Variants in COL24A1 observed in about 807,000 individuals in gnomAD.
The protein encoded by COL24A1 is collagen type XXIV alpha 1 chain.
In COL24A1, 224 loss-of-function variants were observed where a neutral mutation model predicts 253.9. The observed-to-expected ratio is 0.88, with a 90% CI of 0.79 to 0.99. The LOEUF (loss-of-function observed/expected upper bound fraction) is 0.99. COL24A1 is among the 50% of genes least tolerant of loss of function. The pLI is 0.00. For synonymous variants in COL24A1, 685 were observed against 673.7 expected, an observed-to-expected ratio of 1.02 and a Z score of -0.26; for missense variants, 2,131 against 2,068.5, an observed-to-expected ratio of 1.03 and a Z score of -0.59.
chr1:85,898,175 A>G (rs1409042561), intron 28 of COL24A1, among the ~76,000 whole-genome samples: 1 of 152,254 alleles, frequency 6.6e-6, no homozygotes, highest in Admixed American at 6.5e-5. Context: ...CAGAAAACTG[A>G]TGCTAAAGAT....
intron 5 of COL24A1, among the ~76,000 whole-genome samples, chr1:86,102,534 C>G (rs1359823792): frequency 6.6e-6 from 1 of 152,052 alleles, no homozygotes; most frequent in African/African-American, 2.4e-5. Context: ...ATACATTTCC[C>G]CTTAATACTG....
chr1:85,878,807 T>C (rs1240606863), intron 32 of COL24A1, among the ~76,000 whole-genome samples: 1 of 152,222 alleles, frequency 6.6e-6, no homozygotes, highest in African/African-American at 2.4e-5. Context: ...GTCATTATTG[T>C]TTTAATTTGT....
intron 24 of COL24A1, among the ~76,000 whole-genome samples, chr1:85,937,079 C>T (rs1313287535): frequency 2.0e-5 from 3 of 147,570 alleles, no homozygotes; most frequent in Non-Finnish European, 4.5e-5. Flanking sequence ...TCTTCTTTAG[C>T]TGACACCTTT....
At chr1:86,124,543 A>C (rs528166321) in intron 3 of COL24A1, among the ~76,000 whole-genome samples, 1 of 151,938 alleles carries the variant, frequency 6.6e-6, no homozygotes, top group African/African-American at 2.4e-5. Context: ...TAGCAGTTGA[A>C]ATCCTGATTG....
At chr1:86,132,008 T>C in intron 2 of COL24A1, among the ~76,000 whole-genome samples, 1 of 152,026 alleles carries the variant, frequency 6.6e-6, no homozygotes, top group East Asian at 1.9e-4. Context: ...TTTCTCTACA[T>C]CCTCCTCTCC....
chr1:85,768,642 G>A (rs955570719), intron 53 of COL24A1, among the ~76,000 whole-genome samples: 53 of 151,934 alleles, frequency 3.5e-4, no homozygotes, highest in African/African-American at 1.3e-3. Context: ...ATTCAGATCT[G>A]GAAAGAACTT....
chr1:86,140,938 G>A (rs1650982843), intron 2 of COL24A1, among the ~76,000 whole-genome samples: 1 of 152,116 alleles, frequency 6.6e-6, no homozygotes, highest in South Asian at 2.1e-4. Context: ...TACTTAAAAT[G>A]TTTTTTCTTA....
chr1:85,911,257 G>T (rs545315199), intron 25 of COL24A1, 123 bp downstream of exon 25: 2 of 724,822 alleles, frequency 2.8e-6, no homozygotes, highest in Non-Finnish European at 4.7e-6. Flanking sequence ...AAGATATTCA[G>T]TATAGGTAAT....
intron 16 of COL24A1, 42 bp from the exon 17 acceptor site, chr1:86,022,633 A>G (rs759638413): frequency 1.3e-6 from 2 of 1,567,938 alleles, no homozygotes; most frequent in Non-Finnish European, 1.7e-6. Flanking sequence ...ATGTATCACA[A>G]ACATGGCAAT....
At chr1:85,746,641 G>C (rs450953) in intron 55 of COL24A1, among the ~76,000 whole-genome samples, 135,505 of 152,146 alleles carry the variant, frequency 0.89, 61,108 homozygotes, top group Non-Finnish European at 0.97. Flanking sequence ...AATAGGTCAG[G>C]GAAGGCTTCC....
At chr1:85,831,066 G>A (rs894582636) in intron 43 of COL24A1, among the ~76,000 whole-genome samples, 1 of 152,122 alleles carries the variant, frequency 6.6e-6, no homozygotes, top group African/African-American at 2.4e-5. Flanking sequence ...GTTTAAGGAA[G>A]TGAAGAGTGG....
chr1:86,076,361 C>A (rs1702243459), intron 7 of COL24A1, among the ~76,000 whole-genome samples: 1 of 152,144 alleles, frequency 6.6e-6, no homozygotes, highest in Admixed American at 6.5e-5. Context: ...TCAAGGAGAA[C>A]TACAAACCAC....
intron 19 of COL24A1, among the ~76,000 whole-genome samples, chr1:86,000,738 C>T (rs1695316485): frequency 6.6e-6 from 1 of 152,232 alleles, no homozygotes. Context: ...TGTTTGGCCA[C>T]TTCTGGCACT....
At chr1:86,110,854 C>G (rs1049319500) in intron 5 of COL24A1, among the ~76,000 whole-genome samples, 4 of 152,142 alleles carry the variant, frequency 2.6e-5, no homozygotes, top group Admixed American at 6.5e-5. Flanking sequence ...CCGCGCGGCC[C>G]AAGCCTCCCC....
chr1:85,901,708 A>G (rs1284358366), intron 28 of COL24A1, among the ~76,000 whole-genome samples: 1 of 149,996 alleles, frequency 6.7e-6, no homozygotes, highest in African/African-American at 2.4e-5. Context: ...GCTACTCAGG[A>G]GTCTGAGACA....
chr1:86,114,513 G>A (rs1021848595), intron 4 of COL24A1, among the ~76,000 whole-genome samples: 21 of 152,202 alleles, frequency 1.4e-4, no homozygotes, highest in Non-Finnish European at 2.4e-4. Context: ...AGGTTTAGAA[G>A]GGGCTATGGA....
At chr1:86,024,949 A>G (rs1317795910) in intron 14 of COL24A1, among the ~76,000 whole-genome samples, 1 of 152,042 alleles carries the variant, frequency 6.6e-6, no homozygotes, top group Non-Finnish European at 1.5e-5. Flanking sequence ...TGTATATATA[A>G]TATCCTATTT....
At chr1:86,014,404 A>C (rs1267795710) in intron 19 of COL24A1, among the ~76,000 whole-genome samples, 1 of 152,154 alleles carries the variant, frequency 6.6e-6, no homozygotes, top group African/African-American at 2.4e-5. Context: ...CTTTGTTTTA[A>C]TTCATCTGTT....
At chr1:85,734,224 A>G (rs1316083311) in intron 59 of COL24A1, among the ~76,000 whole-genome samples, 1 of 152,104 alleles carries the variant, frequency 6.6e-6, no homozygotes, top group Non-Finnish European at 1.5e-5. Flanking sequence ...TTTTAATGGA[A>G]AAAAAATAGG....
Sources: allele counts gnomAD v4.1 joint callset (sites outside exome capture counted in the v4.1 genomes callset), GRCh38; gene constraint gnomAD v4.1.1; transcripts MANE v1.5; gene names NCBI Gene and HGNC (gene_info 2026-07-23, HGNC 2026-07-21).